The following NF2 variants were observed in gnomAD, a reference collection of about 807,000 sequenced individuals.
NF2 encodes the protein NF2, moesin-ezrin-radixin like (MERLIN) tumor suppressor.
NF2 carries 8 observed loss-of-function variants against 83.7 expected under a neutral mutation model. That is an observed-to-expected ratio of 0.10 (90% confidence interval 0.06 to 0.17). NF2 has a LOEUF of 0.17. Ranked by LOEUF, NF2 falls within the 10% of genes least tolerant of loss-of-function variation. The pLI, the probability that NF2 is intolerant of heterozygous loss-of-function variation, is 1.00. For synonymous variants in NF2, 266 were observed against 269.6 expected (o/e 0.99, Z 0.13); for missense variants, 533 against 744.4 (o/e 0.72, Z 3.31).
chr22:29,603,706 C>A lies in NF2; in HGVS notation c.-293C>A, dbSNP rs2146657038. ...GTCTAGGGGTCCCGTCCCGAGGCGTCCCCGGCATCTCCGGCCCGAATCCCG... is the reference window on the plus strand; with the variant it reads ...GTCTAGGGGTCCCGTCCCGAGGCGTACCCGGCATCTCCGGCCCGAATCCCG... On this transcript the variant is annotated 5_prime_UTR_variant, in exon 1 of 16. Transcript: ENST00000338641. The A allele has an allele frequency of 2.2e-6, 1 of 450,068 alleles. No individual in the cohort carries two copies. Among genetic ancestry groups the A allele is most frequent in the Admixed American group, 4.0e-5 (1 of 24,792 alleles). The allele number at this position is 450,068 out of a possible 1,614,324, so 27.9% of individuals were successfully genotyped here.
chr22:29,683,754 C>G (rs1486377442), intron 15 of NF2: 2 of 1,065,438 alleles, frequency 1.9e-6, no homozygotes, highest in Non-Finnish European at 2.3e-6. Flanking sequence ...CACATTGGAA[C>G]AGTACACTCA....
At chr22:29,679,890 A>G (rs1164424541) in intron 14 of NF2, among the ~76,000 whole-genome samples, 1 of 151,642 alleles carries the variant, frequency 6.6e-6, no homozygotes, top group African/African-American at 2.4e-5. Flanking sequence ...GAAAAGAAAG[A>G]AATTGATTTC....
chr22:29,684,310 G>C (rs532850964), intron 15 of NF2: 5 of 152,220 alleles, frequency 3.3e-5, no homozygotes, highest in African/African-American at 9.7e-5. Context: ...GTTATGGCCA[G>C]CATTGTCACG....
chr22:29,662,230 G>A (rs140503279), intron 8 of NF2, among the ~76,000 whole-genome samples: 11 of 152,230 alleles, frequency 7.2e-5, no homozygotes, highest in African/African-American at 2.2e-4. Context: ...ACCTCCCTGG[G>A]CTCAGGTGAT....
chr22:29,694,752 C>T lies in NF2; in HGVS notation c.1738C>T (p.Leu580Phe), dbSNP rs749475992. ...GSSKHNTIKK[L>F]TLQSAKSRVA... is the part of the protein sequence containing the mutation. ...CAGCTTCTTCTCTGCTTTCTTACAGCTCACCTTGCAGAGCGCCAAGTCCCG... is the reference window on the plus strand; with the variant it reads ...CAGCTTCTTCTCTGCTTTCTTACAGTTCACCTTGCAGAGCGCCAAGTCCCG... Residue 580 changes from leucine (L) to phenylalanine (F), a missense_variant and splice_region_variant, in exon 16 of 16, where the codon CTC (leucine) becomes TTC (phenylalanine). Transcript: ENST00000338641. This position sits in a 1 kb window ranked among gnomAD's most constrained non-coding sequence, Gnocchi z 4.1. The T allele has an allele frequency of 1.2e-6, 2 of 1,613,760 alleles. No individual in the cohort carries two copies.
intron 1 of NF2, among the ~76,000 whole-genome samples, chr22:29,614,813 T>C (rs1281786485): frequency 6.6e-6 from 1 of 151,984 alleles, no homozygotes; most frequent in Admixed American, 6.6e-5. Flanking sequence ...TTTAGGATGT[T>C]GAGGTGGATG....
intron 8 of NF2, among the ~76,000 whole-genome samples, chr22:29,663,623 T>G (rs2066536986): frequency 6.6e-6 from 1 of 152,234 alleles, no homozygotes; most frequent in South Asian, 2.1e-4. Flanking sequence ...CTCACAAAAT[T>G]CATGAATAGC....
chr22:29,632,173 G>A (rs1373663786), intron 1 of NF2, among the ~76,000 whole-genome samples: 2 of 152,066 alleles, frequency 1.3e-5, no homozygotes, highest in African/African-American at 4.8e-5. Context: ...CTTGATTTTA[G>A]ATGGTAGTTT....
chr22:29,625,154 C>G (rs2065332034), intron 1 of NF2, among the ~76,000 whole-genome samples: 1 of 152,072 alleles, frequency 6.6e-6, no homozygotes, highest in Non-Finnish European at 1.5e-5. Context: ...GTCTCGATCT[C>G]TTGACCTCGT....
intron 4 of NF2, among the ~76,000 whole-genome samples, chr22:29,649,236 A>G (rs2066071548): frequency 6.6e-6 from 1 of 152,212 alleles, no homozygotes; most frequent in Non-Finnish European, 1.5e-5. Flanking sequence ...CCATAGAGAC[A>G]GAAAGTAGAT....
intron 4 of NF2, among the ~76,000 whole-genome samples, chr22:29,643,332 TCA>T (rs1267714874): frequency 6.6e-6 from 1 of 151,542 alleles, no homozygotes. Flanking sequence ...TGGGTGTTTC[TCA>T]CAGAGGGGGC....
intron 5 of NF2, 121 bp from the exon 6 acceptor site, chr22:29,655,473 G>T (rs911105915): frequency 1.3e-6 from 1 of 764,662 alleles, no homozygotes. Context: ...TATCTCCCTG[G>T]GTGTAGCTTT....
intron 6 of NF2, among the ~76,000 whole-genome samples, chr22:29,656,786 T>C (rs2066324302): frequency 6.6e-6 from 1 of 152,068 alleles, no homozygotes; most frequent in South Asian, 2.1e-4. Context: ...ACCACCAAAT[T>C]GTTCTCCAAA....
At chr22:29,646,856 C>G (rs1041981846) in intron 4 of NF2, among the ~76,000 whole-genome samples, 12 of 152,028 alleles carry the variant, frequency 7.9e-5, no homozygotes, top group African/African-American at 2.4e-4. Context: ...CCAGCCTGAC[C>G]AATGTGGTGA....
intron 6 of NF2, 44 bp from the exon 7 acceptor site, chr22:29,658,145 A>G (rs751933108): frequency 6.3e-7 from 1 of 1,587,220 alleles, no homozygotes; most frequent in East Asian, 2.2e-5. Flanking sequence ...CTCTCCACCC[A>G]TCTCACTTAG....
At chr22:29,663,366 G>A (rs1297565061) in intron 8 of NF2, among the ~76,000 whole-genome samples, 2 of 152,182 alleles carry the variant, frequency 1.3e-5, no homozygotes, top group African/African-American at 4.8e-5. Context: ...CGGGGGACAG[G>A]CGCCATCATG....
intron 4 of NF2, among the ~76,000 whole-genome samples, chr22:29,647,139 A>G (rs2066005910): frequency 1.3e-5 from 2 of 151,998 alleles, no homozygotes; most frequent in Non-Finnish European, 2.9e-5. Flanking sequence ...TATATTGACC[A>G]TTTGGTGTTG....
intron 15 of NF2, among the ~76,000 whole-genome samples, chr22:29,689,969 C>G (rs1352904925): frequency 6.6e-6 from 1 of 152,216 alleles, no homozygotes; most frequent in African/African-American, 2.4e-5. Flanking sequence ...TAGAGGAGAG[C>G]TGGAAGGAGA....
intron 13 of NF2, among the ~76,000 whole-genome samples, chr22:29,677,794 T>C (rs1261135178): frequency 6.6e-6 from 1 of 152,242 alleles, no homozygotes; most frequent in Non-Finnish European, 1.5e-5. Context: ...TTTTTAACAG[T>C]GATGATCTGT....
Sources: allele counts gnomAD v4.1 joint callset (sites outside exome capture counted in the v4.1 genomes callset), GRCh38; gene constraint gnomAD v4.1.1; non-coding constraint Gnocchi (gnomAD v3.1); transcripts MANE v1.5; gene names NCBI Gene and HGNC (gene_info 2026-07-23, HGNC 2026-07-21).